The following NFASC variants were observed in gnomAD, a reference collection of about 807,000 sequenced individuals.
NFASC encodes neurofascin, also known as neurofascin homolog.
Under a neutral mutation model 147.5 loss-of-function variants are expected in NFASC, and 43 were observed. The ratio of observed to expected loss-of-function variants is 0.29; its 90% confidence interval spans 0.23 to 0.38. The LOEUF is 0.38. Among genes scored for constraint, NFASC ranks in the 10% least tolerant of loss-of-function variants. The probability of loss-of-function intolerance (pLI) is 1.00; values close to 1 mark genes in which losing one functional copy is unlikely to be tolerated. For missense variants in NFASC, 1,320 were observed against 1,689.0 expected, an observed-to-expected ratio of 0.78 and a Z score of 3.83; for synonymous variants, 622 against 665.5, an observed-to-expected ratio of 0.93 and a Z score of 1.01.
intron 1 of NFASC, among the ~76,000 whole-genome samples, chr1:204,884,060 G>A (rs919545007): frequency 2.6e-5 from 4 of 152,120 alleles, no homozygotes; most frequent in Admixed American, 6.5e-5. Flanking sequence ...TTAAGTTGAC[G>A]TTGGGAGGCT....
chr1:204,967,679 C>T (rs2095038745), intron 8 of NFASC, among the ~76,000 whole-genome samples: 1 of 152,130 alleles, frequency 6.6e-6, no homozygotes, highest in Admixed American at 6.5e-5. Context: ...CCTGTCATCT[C>T]TGTTCATTAA....
Position 204,975,504 on chromosome 1 carries a change from A to G in NFASC, c.1706+86A>G. The G allele has an allele frequency of 1.3e-6, 2 of 1,508,166 alleles. No individual in the cohort carries two copies. Among genetic ancestry groups the G allele is most frequent in the South Asian group, 1.2e-5 (1 of 80,142 alleles). 93.4% of individuals were successfully genotyped at this position (1,508,166 alleles called of 1,614,324 possible). On this transcript the variant is annotated intron_variant, in intron 15 of 29. Coordinates refer to ENST00000339876, the MANE Select transcript of NFASC (RefSeq NM_001005388.3). The surrounding 1 kb of genome is among the most constrained non-coding windows in gnomAD (Gnocchi z 4.0). ...CTGTTGGTGACACATGGAAGAACAC[A>G]GGGACAGGGAACCCGTGTCATGCAT...
rs542205614 is a variant in NFASC at position 204,882,195 on chromosome 1, AT to A, written c.-199-38430del. Reference sequence around the variant, plus strand: ...ACGCTTTAACAAGTGGTATTGGATAATTTTTTTCTTTAACATTTCAACCCAC... The same window carrying A: ...ACGCTTTAACAAGTGGTATTGGATAATTTTTTCTTTAACATTTCAACCCAC... On this transcript the variant is annotated intron_variant, in intron 1 of 29. Transcript: ENST00000339876. Among the ~76,000 whole-genome samples the A allele has an allele frequency of 8.2e-4, 124 of 152,088 alleles. 2 individuals carry two copies. The highest frequency in any genetic ancestry group is 6.2e-3 in the South Asian group (30 of 4,808).
intron 19 of NFASC, 122 bp from the exon 20 acceptor site, chr1:204,980,248 A>G (rs1455551947): frequency 4.0e-6 from 3 of 754,438 alleles, no homozygotes; most frequent in East Asian, 5.3e-5. Context: ...CCAAGCGTAT[A>G]CATAGATGCC....
At chr1:204,981,460 C>T (rs983103616) in intron 20 of NFASC, among the ~76,000 whole-genome samples, 1 of 152,242 alleles carries the variant, frequency 6.6e-6, no homozygotes, top group Non-Finnish European at 1.5e-5. Context: ...TACCTTTTGT[C>T]TATATTTTGC....
chr1:204,985,475 C>G (rs1282252443), intron 21 of NFASC, among the ~76,000 whole-genome samples: 1 of 152,222 alleles, frequency 6.6e-6, no homozygotes, highest in Non-Finnish European at 1.5e-5. Flanking sequence ...TCAATCTAAA[C>G]CATACTAATC....
Position 205,016,285 on chromosome 1 carries a change from A to T in NFASC, c.3492-23A>T, listed in dbSNP as rs781672772. ...GCTGCCCCATCTCACCCCACCTGAGATTCTCTGTCTCTCTTTGGCCAGTGA... is the reference window on the plus strand; with the variant it reads ...GCTGCCCCATCTCACCCCACCTGAGTTTCTCTGTCTCTCTTTGGCCAGTGA... On this transcript the variant is annotated intron_variant, in intron 29 of 29. Coordinates refer to ENST00000339876, the MANE Select transcript of NFASC (RefSeq NM_001005388.3). This position sits in a 1 kb window ranked among gnomAD's most constrained non-coding sequence, Gnocchi z 5.1. 3.8e-6 allele frequency: 6 copies of T among 1,558,548 alleles called. No individual in the cohort carries two copies. Among genetic ancestry groups the T allele is most frequent in the Non-Finnish European group, 5.3e-6 (6 of 1,129,762 alleles).
At chr1:204,880,155 C>T (rs543427384) in intron 1 of NFASC, among the ~76,000 whole-genome samples, 2 of 152,176 alleles carry the variant, frequency 1.3e-5, no homozygotes, top group Non-Finnish European at 2.9e-5. Flanking sequence ...CAGGAAGCCC[C>T]TCATCCCTGT....
chr1:204,890,526 G>GA (rs1177468733), intron 1 of NFASC, among the ~76,000 whole-genome samples: 1 of 151,808 alleles, frequency 6.6e-6, no homozygotes, highest in Non-Finnish European at 1.5e-5. Flanking sequence ...AGGTCCTTGA[G>GA]AAAAAGGATG....
chr1:204,963,212 G>A (rs953736101), intron 8 of NFASC, among the ~76,000 whole-genome samples: 4 of 152,230 alleles, frequency 2.6e-5, no homozygotes, highest in African/African-American at 9.6e-5. Flanking sequence ...CAAGCAGCTA[G>A]AACCACACTG....
chr1:204,972,700 A>G (rs1429641736), intron 11 of NFASC, among the ~76,000 whole-genome samples: 7 of 152,220 alleles, frequency 4.6e-5, no homozygotes, highest in Admixed American at 3.3e-4. Context: ...TGTTTGGAGC[A>G]TGCTCTCTTT....
At chr1:204,850,153 A>C (rs1415529062) in intron 1 of NFASC, among the ~76,000 whole-genome samples, 2 of 152,192 alleles carry the variant, frequency 1.3e-5, no homozygotes, top group Non-Finnish European at 2.9e-5. Context: ...TCTAGGCCTC[A>C]GTTTCTTCAT....
chr1:204,975,517 C>A lies in NFASC; in HGVS notation c.1706+99C>A. 6.8e-7 allele frequency: 1 copy of A among 1,467,960 alleles called. No individual in the cohort carries two copies. The highest frequency in any genetic ancestry group is 9.3e-7 in the Non-Finnish European group (1 of 1,071,384). The allele number at this position is 1,467,960 out of a possible 1,614,324, so 90.9% of individuals were successfully genotyped here. On this transcript the variant is annotated intron_variant, in intron 15 of 29. Transcript: ENST00000339876. The surrounding 1 kb of genome is among the most constrained non-coding windows in gnomAD (Gnocchi z 4.0). ...ATGGAAGAACACAGGGACAGGGAAC[C>A]CGTGTCATGCATGTCACCAAGGAGC...
At position 204,954,522 on chromosome 1, in the gene NFASC, C is replaced by A; in HGVS notation, c.412+138C>A. The A allele has an allele frequency of 5.1e-6, 4 of 785,890 alleles. No homozygotes were observed. Among genetic ancestry groups the A allele is most frequent in the Non-Finnish European group, 8.0e-6 (4 of 501,262 alleles). 48.7% of individuals were successfully genotyped at this position (785,890 alleles called of 1,614,324 possible). ...GGTGTTCTCTATGCATCTTCCCCAC[C>A]TCAGAATGATTCCCTGGAAAGGAAG... On this transcript the variant is annotated intron_variant, in intron 6 of 29. Coordinates refer to ENST00000339876, the MANE Select transcript of NFASC (RefSeq NM_001005388.3). This position sits in a 1 kb window ranked among gnomAD's most constrained non-coding sequence, Gnocchi z 5.7.
intron 1 of NFASC, among the ~76,000 whole-genome samples, chr1:204,897,471 T>G (rs939817509): frequency 6.6e-6 from 1 of 152,220 alleles, no homozygotes; most frequent in Non-Finnish European, 1.5e-5. Flanking sequence ...TAGACAAGGA[T>G]GGGCTGAGAA....
rs2096014954 is a variant in NFASC, at chr1:205,002,661, T to C, written c.3202T>C (p.Tyr1068His). ...QAQPIQLTDL[Y>H]PGMTYTLRVY... ...TCAGCCTATACAGCTGACAGACCTC[T>C]ATCCCGGGATGACATACACGTTGCG... is the stretch of plus-strand genomic sequence containing the variant. Residue 1068 changes from tyrosine (Y) to histidine (H), a missense_variant, in exon 27 of 30, where the codon TAT becomes CAT. Tyr to His is a moderately conservative substitution (Grantham distance 83, BLOSUM62 2). Coordinates refer to ENST00000339876, the MANE Select transcript of NFASC (RefSeq NM_001005388.3). The C allele has an allele frequency of 6.3e-7, 1 of 1,587,694 alleles. No individual in the cohort carries two copies. Among genetic ancestry groups the C allele is most frequent in the Non-Finnish European group, 8.6e-7 (1 of 1,160,318 alleles).
chr1:205,006,128 C>T (rs2096104190), intron 27 of NFASC, among the ~76,000 whole-genome samples: 1 of 152,246 alleles, frequency 6.6e-6, no homozygotes, highest in Non-Finnish European at 1.5e-5. Context: ...GTGCCCAGTT[C>T]TAGCACACGG....
rs115537360 is a variant in NFASC at position 204,856,031 on chromosome 1, A to G, written c.-200+27249A>G. Among the ~76,000 whole-genome samples the G allele has an allele frequency of 2.2e-3, 333 of 152,300 alleles. 4 individuals carry two copies. Among genetic ancestry groups the G allele is most frequent in the African/African-American group, 7.5e-3 (310 of 41,580 alleles). ...TTCACACAAGAGGAAGCTGAAGCTC[A>G]GAGAGATTAGAGTAACTTGCTCTTG... On this transcript the variant is annotated intron_variant, in intron 1 of 29. Transcript: ENST00000339876.
In NFASC at chr1:205,015,462, C is replaced by T. The variant is rs1289447569; in HGVS notation, c.3492-846C>T. On this transcript the variant is annotated intron_variant, in intron 29 of 29. Transcript: ENST00000339876. This position sits in a 1 kb window ranked among gnomAD's most constrained non-coding sequence, Gnocchi z 4.0. ...AACAGACGCTGGCTCAGAGAGCAGCCCCGCGCCTCCTCAGGAGCACAGCAG... is the reference window on the plus strand; with the variant it reads ...AACAGACGCTGGCTCAGAGAGCAGCTCCGCGCCTCCTCAGGAGCACAGCAG... Among the ~76,000 whole-genome samples, 1 of 152,178 alleles carries T rather than the reference C, an allele frequency of 6.6e-6. No individual in the cohort carries two copies. Among genetic ancestry groups the T allele is most frequent in the African/African-American group, 2.4e-5 (1 of 41,456 alleles).
Sources: allele counts gnomAD v4.1 joint callset (sites outside exome capture counted in the v4.1 genomes callset), GRCh38; gene constraint gnomAD v4.1.1; non-coding constraint Gnocchi (gnomAD v3.1); transcripts MANE v1.5; gene names NCBI Gene and HGNC (gene_info 2026-07-23, HGNC 2026-07-21).